ANK2: variants seen among roughly 807,000 people sequenced by gnomAD.
The protein encoded by ANK2 is ankyrin 2.
In ANK2, 83 loss-of-function variants were observed where a neutral mutation model predicts 360.5. That is an observed-to-expected ratio of 0.23 (90% CI 0.19 to 0.28). The LOEUF (loss-of-function observed/expected upper bound fraction) is 0.28. Ranked by LOEUF, ANK2 falls within the 10% of genes least tolerant of loss-of-function variation. The pLI is 1.00. For synonymous variants in ANK2, 1,740 were observed against 1,759.5 expected, an observed-to-expected ratio of 0.99 and a Z score of 0.28; for missense variants, 4,201 against 4,795.7, an observed-to-expected ratio of 0.88 and a Z score of 3.66.
chr4:112,792,824 A>T, the ANK2 span, among the ~76,000 whole-genome samples: 1 of 152,142 alleles, frequency 6.6e-6, no homozygotes, highest in African/African-American at 2.4e-5. Context: ...GGATAGAAAA[A>T]TTTTGCCCTA....
chr4:113,135,949 G>C (rs1051475064), intron 1 of ANK2, among the ~76,000 whole-genome samples: 7 of 152,174 alleles, frequency 4.6e-5, no homozygotes, highest in African/African-American at 1.4e-4. Context: ...AAGCATTTCT[G>C]TGAGTACATC....
chr4:112,811,753 C>A, the ANK2 span, among the ~76,000 whole-genome samples: 1 of 152,170 alleles, frequency 6.6e-6, no homozygotes, highest in Non-Finnish European at 1.5e-5. Flanking sequence ...TAAGATTCTT[C>A]TAATAGAGTT....
the ANK2 span, among the ~76,000 whole-genome samples, chr4:112,754,097 C>CA: frequency 1.1e-4 from 7 of 65,182 alleles, no homozygotes; most frequent in African/African-American, 4.4e-4. Context: ...GACTCTGTCT[C>CA]AAAAAAAAAA....
intron 23 of ANK2, among the ~76,000 whole-genome samples, chr4:113,310,342 T>C (rs2079264001): frequency 6.6e-6 from 1 of 151,640 alleles, no homozygotes; most frequent in Non-Finnish European, 1.5e-5. Context: ...CGAACCTAAG[T>C]AGTATTCAGA....
chr4:112,874,071 T>G (rs2074175203), intron 1 of ANK2, among the ~76,000 whole-genome samples: 1 of 147,208 alleles, frequency 6.8e-6, no homozygotes, highest in Admixed American at 7.0e-5. Context: ...CAAAAGCTCT[T>G]GGGGTTCTCT....
At chr4:113,380,645 GA>G (rs1447246925) in intron 45 of ANK2, among the ~76,000 whole-genome samples, 1 of 152,252 alleles carries the variant, frequency 6.6e-6, no homozygotes, top group Non-Finnish European at 1.5e-5. Context: ...CTGGGTGACA[GA>G]ACGAGACTCC....
intron 2 of ANK2, among the ~76,000 whole-genome samples, chr4:112,967,500 T>G (rs980485402): frequency 6.6e-6 from 1 of 152,184 alleles, no homozygotes; most frequent in Non-Finnish European, 1.5e-5. Flanking sequence ...GTAACTTAAA[T>G]GATAAAAATG....
At chr4:113,316,745 A>G (rs1288017817) in intron 24 of ANK2, among the ~76,000 whole-genome samples, 2 of 152,200 alleles carry the variant, frequency 1.3e-5, no homozygotes, top group African/African-American at 4.8e-5. Flanking sequence ...TTACAAATTG[A>G]TTTAAAAGGA....
At chr4:113,047,386 T>C (rs1328909918), upstream of ANK2, among the ~76,000 whole-genome samples, 2 of 152,252 alleles carry the variant, frequency 1.3e-5, no homozygotes, top group Non-Finnish European at 1.5e-5. Flanking sequence ...AATGTTTTGT[T>C]TATCATGATA....
intron 1 of ANK2, chr4:113,150,940 C>A: frequency 1.8e-6 from 1 of 569,460 alleles, no homozygotes; most frequent in Non-Finnish European, 2.7e-6. Flanking sequence ...TTGTAGTCTG[C>A]ATATCATAAG....
chr4:113,072,814 T>C (rs1355810066), intron 1 of ANK2, among the ~76,000 whole-genome samples: 1 of 149,472 alleles, frequency 6.7e-6, no homozygotes, highest in East Asian at 2.0e-4. Flanking sequence ...GTTTAGATTG[T>C]TTATTGGGTG....
intron 2 of ANK2, among the ~76,000 whole-genome samples, chr4:113,014,277 C>T (rs913317782): frequency 2.6e-5 from 4 of 152,178 alleles, no homozygotes; most frequent in South Asian, 2.1e-4. Flanking sequence ...AAAAAGCCAA[C>T]ATATTTTGAT....
intron 2 of ANK2, among the ~76,000 whole-genome samples, chr4:112,956,174 C>T (rs768637637): frequency 2.0e-5 from 3 of 152,182 alleles, no homozygotes; most frequent in Non-Finnish European, 4.4e-5. Flanking sequence ...TTAATGTCTT[C>T]TACCTACAAA....
chr4:112,767,982 G>T, the ANK2 span, among the ~76,000 whole-genome samples: 1 of 152,138 alleles, frequency 6.6e-6, no homozygotes, highest in Admixed American at 6.6e-5. Context: ...GGCTAGAAAG[G>T]CAGGTGAAGG....
intron 2 of ANK2, among the ~76,000 whole-genome samples, chr4:113,036,312 C>T (rs1579632977): frequency 6.8e-6 from 1 of 147,902 alleles, no homozygotes; most frequent in Admixed American, 6.7e-5. Context: ...GGACTTGAAA[C>T]AAACAAAAAG....
the ANK2 span, among the ~76,000 whole-genome samples, chr4:112,749,119 C>G: frequency 6.6e-6 from 1 of 152,112 alleles, no homozygotes; most frequent in South Asian, 2.1e-4. Context: ...AGGCTAGTCT[C>G]GAACTGCTGA....
At chr4:113,080,511 C>A (rs2081976964) in intron 1 of ANK2, among the ~76,000 whole-genome samples, 1 of 152,048 alleles carries the variant, frequency 6.6e-6, no homozygotes, top group Non-Finnish European at 1.5e-5. Context: ...ACTCTGGAAG[C>A]CTCTTAAATT....
At chr4:113,351,595 T>G (rs2095418423) in intron 37 of ANK2, among the ~76,000 whole-genome samples, 1 of 152,180 alleles carries the variant, frequency 6.6e-6, no homozygotes, top group African/African-American at 2.4e-5. Context: ...TTAAGTGATT[T>G]TACTTTATTC....
At chr4:112,766,892 C>T in the ANK2 span, among the ~76,000 whole-genome samples, 1 of 152,150 alleles carries the variant, frequency 6.6e-6, no homozygotes, top group Non-Finnish European at 1.5e-5. Context: ...GGATGCTGAG[C>T]AGGAAACAAA....
Sources: gnomAD v4.1 joint callset for allele counts (sites outside exome capture counted in the v4.1 genomes callset) on GRCh38, gnomAD v4.1.1 for gene constraint, MANE v1.5 for transcripts, NCBI Gene and HGNC (gene_info 2026-07-23, HGNC 2026-07-21) for gene names.